Variants in RHOA observed in about 807,000 individuals in gnomAD.
RHOA encodes ras homolog family member A, also known as transforming protein RhoA.
In RHOA, 3 loss-of-function variants were observed where a neutral mutation model predicts 17.5. That is an observed-to-expected ratio of 0.17 (90% CI 0.08 to 0.44). RHOA has a LOEUF of 0.44. Among genes scored for constraint, RHOA ranks in the 20% least tolerant of loss-of-function variants. The probability of loss-of-function intolerance (pLI) is 0.99; values close to 1 mark genes in which losing one functional copy is unlikely to be tolerated. For synonymous variants in RHOA, 98 were observed against 88.4 expected, an observed-to-expected ratio of 1.11 and a Z score of -0.61; for missense variants, 56 against 242.3, an observed-to-expected ratio of 0.23 and a Z score of 5.10.
chr3:49,387,216 G>A (rs1357858358), intron 1 of RHOA, among the ~76,000 whole-genome samples: 10 of 146,888 alleles, frequency 6.8e-5, no homozygotes, highest in East Asian at 4.0e-4. Context: ...AGGCCGAGGC[G>A]GGCGGATCAT....
chr3:49,397,616 C>G (rs1221346076), intron 1 of RHOA, among the ~76,000 whole-genome samples: 1 of 152,082 alleles, frequency 6.6e-6, no homozygotes, highest in Non-Finnish European at 1.5e-5. Flanking sequence ...ATAAAGACTA[C>G]ATTTCCCAGC....
At chr3:49,360,459 T>C (rs1036578101) in intron 4 of RHOA, 77 bp from the exon 5 acceptor site, 4 of 1,437,354 alleles carry the variant, frequency 2.8e-6, no homozygotes, top group Admixed American at 4.8e-5. Flanking sequence ...TTCAAATTCA[T>C]CTAAAAGATT....
rs186410909 is a variant in RHOA at position 49,375,304 on chromosome 3, G to T, written c.156+130C>A. On this transcript the variant is annotated intron_variant, in intron 2 of 4. Transcript: ENST00000418115. ...AACTTGGACTAAGATGGCAGGATGA[G>T]AATGGATTCTTCTTTCCAACATTTT... 5.4e-5 allele frequency: 44 copies of T among 821,746 alleles called. 2 individuals are homozygous for T. The East Asian group carries it at 1.2e-3, about 23-fold the overall frequency. The allele number at this position is 821,746 out of a possible 1,614,324, so 50.9% of individuals were successfully genotyped here. A position where few individuals can be genotyped will look rare whatever the true frequency, so the allele number is the denominator to read the frequency against.
intron 1 of RHOA, among the ~76,000 whole-genome samples, chr3:49,376,023 T>C (rs748597489): frequency 3.2e-4 from 49 of 152,010 alleles, no homozygotes; most frequent in Non-Finnish European, 6.0e-4. Flanking sequence ...TAATTTTTGA[T>C]AGAGATGGGG....
intron 1 of RHOA, among the ~76,000 whole-genome samples, chr3:49,376,682 G>C (rs1265800710): frequency 1.4e-5 from 2 of 147,768 alleles, no homozygotes; most frequent in Admixed American, 6.8e-5. Flanking sequence ...AATTTGTCAA[G>C]CAGGGTAAAA....
At chr3:49,365,757 A>C (rs2048045332) in intron 3 of RHOA, among the ~76,000 whole-genome samples, 1 of 151,124 alleles carries the variant, frequency 6.6e-6, no homozygotes, top group Admixed American at 6.6e-5. Context: ...TACTTGGCTA[A>C]GTTTTGTATT....
intron 1 of RHOA, among the ~76,000 whole-genome samples, chr3:49,406,103 A>T (rs960107889): frequency 6.6e-6 from 1 of 152,240 alleles, no homozygotes; most frequent in African/African-American, 2.4e-5. Context: ...ACACAAAAAA[A>T]CAGGTATTTC....
At chr3:49,411,187 A>T (rs4855876) in intron 1 of RHOA, among the ~76,000 whole-genome samples, 149,307 of 152,016 alleles carry the variant, frequency 0.98, 73,390 homozygotes, top group Middle Eastern at 1. Context: ...TTCCACTCAA[A>T]ACAGACCCCA....
intron 1 of RHOA, among the ~76,000 whole-genome samples, chr3:49,376,202 A>AAATGAAAT (rs1200179827): frequency 6.6e-6 from 1 of 152,176 alleles, no homozygotes; most frequent in African/African-American, 2.4e-5. Context: ...TAAGGTAAGA[A>AAATGAAAT]AATGAAATAA....
intron 1 of RHOA, among the ~76,000 whole-genome samples, chr3:49,389,296 C>T (rs551210416): frequency 6.6e-6 from 1 of 151,550 alleles, no homozygotes; most frequent in South Asian, 2.1e-4. Flanking sequence ...GCCTGGGCGA[C>T]AAAGCGAGAC....
chr3:49,376,467 C>T (rs2048229049), intron 1 of RHOA, among the ~76,000 whole-genome samples: 1 of 150,556 alleles, frequency 6.6e-6, no homozygotes, highest in African/African-American at 2.4e-5. Flanking sequence ...CACGGAGAAA[C>T]CCCATCTCTA....
intron 3 of RHOA, among the ~76,000 whole-genome samples, chr3:49,364,624 G>A (rs1459591235): frequency 6.6e-6 from 1 of 151,584 alleles, no homozygotes; most frequent in African/African-American, 2.4e-5. Context: ...TCGTGCCACT[G>A]CCCTCCAGCC....
chr3:49,377,144 A>G (rs922186233), intron 1 of RHOA, among the ~76,000 whole-genome samples: 1 of 152,136 alleles, frequency 6.6e-6, no homozygotes, highest in African/African-American at 2.4e-5. Context: ...AGAAAAATCA[A>G]TTGAGGCCGA....
intron 2 of RHOA, among the ~76,000 whole-genome samples, chr3:49,369,671 G>A (rs2048119828): frequency 6.6e-6 from 1 of 151,744 alleles, no homozygotes; most frequent in African/African-American, 2.4e-5. Context: ...AGAGGCAAAG[G>A]TTGCAGTGAG....
At chr3:49,390,167 C>T (rs2048473049) in intron 1 of RHOA, among the ~76,000 whole-genome samples, 1 of 151,386 alleles carries the variant, frequency 6.6e-6, no homozygotes, top group African/African-American at 2.4e-5. Flanking sequence ...TGGAGTCTCA[C>T]TCTGTCACCC....
At chr3:49,373,247 G>A (rs755638143) in intron 2 of RHOA, 1 of 208,392 alleles carries the variant, frequency 4.8e-6, no homozygotes, top group South Asian at 4.8e-5. Flanking sequence ...GGGAGGCTGA[G>A]ATAGGAGAAT....
intron 1 of RHOA, among the ~76,000 whole-genome samples, chr3:49,403,118 G>A (rs897463164): frequency 6.6e-6 from 1 of 151,794 alleles, no homozygotes; most frequent in Non-Finnish European, 1.5e-5. Flanking sequence ...GAGGCAGGCG[G>A]ATCACAAGAT....
Position 49,362,408 on chromosome 3 carries a change from T to C in RHOA, c.408+88A>G, listed in dbSNP as rs1269836070. The stretch of plus-strand genomic sequence containing the variant: ...TCTGAGCCTCTAAAACAACCTGGCC[T>C]GTGAAGGTTCCTGCTGGGCTCCCCA... On this transcript the variant is annotated intron_variant, in intron 4 of 4. Transcript: ENST00000418115. 3 of 1,421,812 alleles carry C rather than the reference T, an allele frequency of 2.1e-6. No homozygotes were observed. The African/African-American group carries it at 4.3e-5, about 20-fold the overall frequency. 88.1% of individuals were successfully genotyped at this position (1,421,812 alleles called of 1,614,324 possible).
At chr3:49,399,297 G>A (rs1253695738) in intron 1 of RHOA, among the ~76,000 whole-genome samples, 3 of 151,422 alleles carry the variant, frequency 2.0e-5, no homozygotes, top group African/African-American at 7.3e-5. Context: ...GTGAACCTGG[G>A]AGGCGGAGCT....
Sources: allele counts gnomAD v4.1 joint callset (sites outside exome capture counted in the v4.1 genomes callset), GRCh38; gene constraint gnomAD v4.1.1; transcripts MANE v1.5; gene names NCBI Gene and HGNC (gene_info 2026-07-23, HGNC 2026-07-21).